KDM2B: variants seen among roughly 807,000 people sequenced by gnomAD.
The protein encoded by KDM2B is lysine-specific demethylase 2B.
Under a neutral mutation model 150.0 loss-of-function variants are expected in KDM2B, and 26 were observed. The observed-to-expected ratio is 0.17, with a 90% CI of 0.13 to 0.24. The LOEUF is 0.24. Ranked by LOEUF, KDM2B falls within the 10% of genes least tolerant of loss-of-function variation. KDM2B has a pLI of 1.00. For missense variants in KDM2B, 1,265 were observed against 1,816.9 expected (o/e 0.70, Z 5.52); for synonymous variants, 734 against 729.5 (o/e 1.01, Z -0.10).
chr12:121,498,306 C>G (rs1884184163), intron 11 of KDM2B, among the ~76,000 whole-genome samples: 2 of 151,986 alleles, frequency 1.3e-5, no homozygotes, highest in African/African-American at 4.8e-5. Context: ...GATTGGGTAA[C>G]AAATTCAAGA....
In KDM2B at chr12:121,566,301, A is replaced by G. The variant is rs143264649; in HGVS notation, c.397+8246T>C. On this transcript the variant is annotated intron_variant, in intron 4 of 22. Transcript: ENST00000377071. Reference sequence around the variant, plus strand: ...CAGGAGTTCAAGACCAGCCTGGCCAACATGGTGAAACTCCGTCTCTACTCA... The same window carrying G: ...CAGGAGTTCAAGACCAGCCTGGCCAGCATGGTGAAACTCCGTCTCTACTCA... Among the ~76,000 whole-genome samples, 399 of 152,176 alleles carry G rather than the reference A, an allele frequency of 2.6e-3. 2 individuals are homozygous for G. Among genetic ancestry groups the G allele is most frequent in the African/African-American group, 9.0e-3 (375 of 41,518 alleles).
chr12:121,510,509 G>A (rs567156498), intron 10 of KDM2B, among the ~76,000 whole-genome samples: 199 of 152,164 alleles, frequency 1.3e-3, no homozygotes, highest in Non-Finnish European at 2.2e-3. Context: ...AAAATAAGTC[G>A]AGGCTGGGTG....
chr12:121,580,871 G>A lies in KDM2B; in HGVS notation c.41C>T (p.Pro14Leu). The A allele has an allele frequency of 1.2e-6, 2 of 1,614,034 alleles. No individual in the cohort carries two copies. Among genetic ancestry groups the A allele is most frequent in the Non-Finnish European group, 1.7e-6 (2 of 1,179,964 alleles). ...TTCTGCTGCATGTCTTTTTCGTGGG[G>A]GGTGATCCTCTGCAGATCCCCCCAT... Reference protein sequence around the residue: ...PQMGGSAEDHPPRKRHAAEKQ... With the variant: ...PQMGGSAEDHLPRKRHAAEKQ... The change falls in exon 1 of 23, where the codon CCC (proline) becomes CTC (leucine). Residue 14 changes from proline to leucine, a missense_variant. By Grantham distance (98) the Pro-to-Leu change is moderately conservative. This residue lies in a region of KDM2B where 53 missense variants were observed against 56.0 expected (regional missense o/e 0.95). Coordinates refer to ENST00000377071, the MANE Select transcript of KDM2B (RefSeq NM_032590.5).
chr12:121,417,594 C>A, the KDM2B span: 2 of 1,613,674 alleles, frequency 1.2e-6, no homozygotes, highest in South Asian at 1.1e-5. The surrounding 1 kb of genome is among the most constrained non-coding windows in gnomAD (Gnocchi z 5.0). Context: ...TCACTTATTA[C>A]AAGAGACAGC....
intron 11 of KDM2B, among the ~76,000 whole-genome samples, chr12:121,498,227 A>C (rs1555301361): frequency 6.6e-6 from 1 of 152,114 alleles, no homozygotes; most frequent in Non-Finnish European, 1.5e-5. Flanking sequence ...GTGGGCCCCA[A>C]ATGGCTGGGG....
At chr12:121,579,559 G>A (rs1594174203) in intron 1 of KDM2B, 3 of 1,294,422 alleles carry the variant, frequency 2.3e-6, no homozygotes, top group South Asian at 2.5e-5. Flanking sequence ...GCTTGGAAGG[G>A]GGAGAGGCAG....
intron 2 of KDM2B, among the ~76,000 whole-genome samples, chr12:121,577,747 G>C (rs782084622): frequency 6.6e-6 from 1 of 152,180 alleles, no homozygotes; most frequent in East Asian, 1.9e-4. Context: ...ATATCTGAAA[G>C]GGAAAAGGAG....
At chr12:121,558,721 C>T (rs782537695) in intron 4 of KDM2B, among the ~76,000 whole-genome samples, 28 of 152,120 alleles carry the variant, frequency 1.8e-4, no homozygotes, top group Non-Finnish European at 2.6e-4. Context: ...TCCCAAAGTG[C>T]TGGGATTACA....
chr12:121,510,662 G>A (rs1322577124), intron 10 of KDM2B, among the ~76,000 whole-genome samples: 1 of 152,018 alleles, frequency 6.6e-6, no homozygotes, highest in Non-Finnish European at 1.5e-5. Flanking sequence ...GTGTGATGAT[G>A]TGCACCTGTA....
chr12:121,427,479 T>A (rs1593687574), downstream of KDM2B, among the ~76,000 whole-genome samples: 2 of 152,080 alleles, frequency 1.3e-5, no homozygotes. Context: ...GAGGCAGAGG[T>A]TGCAGTGAGC....
Position 121,513,366 on chromosome 12 carries a change from T to C in KDM2B, c.1084A>G (p.Met362Val), listed in dbSNP as rs782495106. ...PKFRYPFYYE[M>V]CWYVLERYVY... ...TATCTCTCCAGGACATACCAGCACA[T>C]CTCATAGTAGAAGGGGTAACGGAAT... Residue 362 changes from methionine (M) to valine (V), a missense_variant, in exon 10 of 23, where the codon ATG (methionine) becomes GTG (valine). Transcript: ENST00000377071. This position sits in a 1 kb window ranked among gnomAD's most constrained non-coding sequence, Gnocchi z 5.0. The C allele has an allele frequency of 6.2e-7, 1 of 1,612,820 alleles. No homozygotes were observed. Among genetic ancestry groups the C allele is most frequent in the East Asian group, 2.2e-5 (1 of 44,852 alleles).
At chr12:121,456,595 AG>A (rs2138971672) in intron 12 of KDM2B, among the ~76,000 whole-genome samples, 1 of 152,322 alleles carries the variant, frequency 6.6e-6, no homozygotes, top group Non-Finnish European at 1.5e-5. Flanking sequence ...AAAAAATTCC[AG>A]GAGTTCAAAG....
Position 121,575,150 on chromosome 12 carries a change from C to G in KDM2B, c.351-557G>C, listed in dbSNP as rs1336856268. 1.3e-5 allele frequency among the ~76,000 whole-genome samples: 2 copies of G among 152,234 alleles called. No homozygotes were observed. The highest frequency in any genetic ancestry group is 6.5e-5 in the Admixed American group (1 of 15,288). ...CTACTCACAGGGATGGACTCTTGAG[C>G]AAGTCTGGGAGCAGATGCTGGAGAG... On this transcript the variant is annotated intron_variant, in intron 3 of 22. Transcript: ENST00000377071. The surrounding 1 kb of genome is among the most constrained non-coding windows in gnomAD (Gnocchi z 4.4).
At chr12:121,509,541 C>T (rs782209467) in intron 11 of KDM2B, 26 bp downstream of exon 11, 2 of 1,605,336 alleles carry the variant, frequency 1.2e-6, no homozygotes, top group East Asian at 4.5e-5. Flanking sequence ...CTCGGCCGCC[C>T]AGCCCCAGAC....
At chr12:121,553,035 A>C (rs1174668584) in intron 4 of KDM2B, among the ~76,000 whole-genome samples, 1 of 151,982 alleles carries the variant, frequency 6.6e-6, no homozygotes, top group African/African-American at 2.4e-5. Flanking sequence ...GATTGAGACC[A>C]TCTTGGCTAA....
At chr12:121,512,561 T>C (rs185315679) in intron 10 of KDM2B, among the ~76,000 whole-genome samples, 1 of 152,170 alleles carries the variant, frequency 6.6e-6, no homozygotes, top group East Asian at 1.9e-4. Context: ...CTGCAGACTC[T>C]ACATCATCCA....
In KDM2B at chr12:121,532,894, G is replaced by C. The variant is rs1555308075; in HGVS notation, c.843C>G (p.Gly281=). Residue 281 remains glycine, a synonymous_variant, in exon 8 of 23, where the codon GGC becomes GGG. Coordinates refer to ENST00000377071, the MANE Select transcript of KDM2B (RefSeq NM_032590.5). ...CTCCCAGAAAGATGTCACTCTGTTT[G>C]CCTGACAGCACCCACTCCTCGTACA... ...LALYEEWVLS[G]KQSDIFLGDR... The C allele has an allele frequency of 6.2e-7, 1 of 1,614,190 alleles. No homozygotes were observed. The highest frequency in any genetic ancestry group is 1.3e-5 in the African/African-American group (1 of 75,054).
At chr12:121,579,011 T>C (rs782058563) in intron 1 of KDM2B, 65 bp from the exon 2 acceptor site, 2 of 1,548,604 alleles carry the variant, frequency 1.3e-6, no homozygotes, top group Non-Finnish European at 8.8e-7. Context: ...CCTCTCAACC[T>C]GGGCCCAGCA....
At chr12:121,554,501 C>A (rs1167513538) in intron 4 of KDM2B, among the ~76,000 whole-genome samples, 2 of 151,942 alleles carry the variant, frequency 1.3e-5, no homozygotes, top group African/African-American at 2.4e-5. Flanking sequence ...ACCTCTGCCT[C>A]CCAGGTTCAA....
Sources: gnomAD v4.1 joint callset for allele counts (sites outside exome capture counted in the v4.1 genomes callset) on GRCh38, gnomAD v4.1.1 for gene constraint, gnomAD v4.1.1 regional missense constraint, Gnocchi (gnomAD v3.1) non-coding constraint, MANE v1.5 for transcripts, NCBI Gene and HGNC (gene_info 2026-07-23, HGNC 2026-07-21) for gene names.